The following HLCS variants were observed in gnomAD, a reference collection of about 807,000 sequenced individuals.
HLCS encodes the protein holocarboxylase synthetase.
HLCS carries 53 observed loss-of-function variants against 75.0 expected under a neutral mutation model. The observed-to-expected ratio is 0.71, with a 90% CI of 0.57 to 0.89. The LOEUF (loss-of-function observed/expected upper bound fraction) is 0.89. Among genes scored for constraint, HLCS ranks in the 40% least tolerant of loss-of-function variants. The pLI, the probability that HLCS is intolerant of heterozygous loss-of-function variation, is 0.00. For missense variants in HLCS, 966 were observed against 1,074.0 expected (o/e 0.90, Z 1.41); for synonymous variants, 431 against 428.6 (o/e 1.01, Z -0.07).
intron 7 of HLCS, among the ~76,000 whole-genome samples, chr21:36,766,907 T>C (rs1208595246): frequency 3.9e-5 from 6 of 152,096 alleles, no homozygotes; most frequent in Admixed American, 3.9e-4. Context: ...AATAAACGTC[T>C]CTAGAGCACA....
chr21:36,982,899 C>T (rs185611389), intron 1 of HLCS, among the ~76,000 whole-genome samples: 80 of 152,208 alleles, frequency 5.3e-4, no homozygotes, highest in East Asian at 3.7e-3. Context: ...CATGGTGGCA[C>T]GCACCTGTAA....
At chr21:36,852,544 G>C (rs994271711) in intron 6 of HLCS, among the ~76,000 whole-genome samples, 1 of 152,162 alleles carries the variant, frequency 6.6e-6, no homozygotes, top group Non-Finnish European at 1.5e-5. Flanking sequence ...CCACTGACAA[G>C]GGGCTCTCAC....
intron 2 of HLCS, among the ~76,000 whole-genome samples, chr21:36,954,242 G>A (rs1367125461): frequency 6.6e-6 from 1 of 150,756 alleles, no homozygotes; most frequent in Non-Finnish European, 1.5e-5. Flanking sequence ...GGAGGCAGAG[G>A]TTGCAGTGAG....
chr21:36,950,105 T>C (rs911069146), intron 2 of HLCS, among the ~76,000 whole-genome samples: 1 of 152,094 alleles, frequency 6.6e-6, no homozygotes, highest in African/African-American at 2.4e-5. Flanking sequence ...GTTCCAGGTT[T>C]GCTCCCCTCC....
At chr21:36,982,227 C>A (rs2069136381) in intron 1 of HLCS, among the ~76,000 whole-genome samples, 1 of 152,132 alleles carries the variant, frequency 6.6e-6, no homozygotes, top group Non-Finnish European at 1.5e-5. Context: ...GTGATCATAT[C>A]CTACTTTGTT....
chr21:36,922,700 A>G (rs1373628982), intron 5 of HLCS, among the ~76,000 whole-genome samples: 1 of 152,132 alleles, frequency 6.6e-6, no homozygotes, highest in Non-Finnish European at 1.5e-5. Flanking sequence ...CCAGCACAGG[A>G]GCGCTCTCCT....
chr21:36,931,847 A>T (rs1010475434), intron 4 of HLCS, among the ~76,000 whole-genome samples: 1 of 152,138 alleles, frequency 6.6e-6, no homozygotes, highest in Admixed American at 6.5e-5. Flanking sequence ...GATGTTGATG[A>T]GGGGAAAAAG....
chr21:36,888,078 G>A (rs1382931247), intron 6 of HLCS, among the ~76,000 whole-genome samples: 1 of 152,028 alleles, frequency 6.6e-6, no homozygotes. Context: ...TTCCACCTGT[G>A]TCTCCAGCTT....
rs113490233 is a variant in HLCS, at chr21:36,750,241, C to T, written c.*4005G>A. Among the ~76,000 whole-genome samples, 242 of 152,326 alleles carry T rather than the reference C, an allele frequency of 1.6e-3. 5 individuals carry two copies. In the South Asian group the frequency reaches 0.024, roughly 15 times the overall value. On this transcript the variant is annotated 3_prime_UTR_variant, in exon 11 of 11. Transcript: ENST00000674895. ...TTTACAAAAAAGAAAAAAAAATCAT[C>T]GTAGGCCCTAACATGTACCATGTTG...
chr21:36,908,784 A>G (rs2065572621), intron 5 of HLCS, among the ~76,000 whole-genome samples: 1 of 152,258 alleles, frequency 6.6e-6, no homozygotes, highest in Admixed American at 6.5e-5. Flanking sequence ...CCAGTACACT[A>G]TATGATTCCA....
At chr21:36,944,840 T>C (rs1006625992) in intron 2 of HLCS, among the ~76,000 whole-genome samples, 1 of 152,036 alleles carries the variant, frequency 6.6e-6, no homozygotes, top group African/African-American at 2.4e-5. Context: ...CACTATTCCT[T>C]GGCCTGGCAC....
intron 5 of HLCS, among the ~76,000 whole-genome samples, chr21:36,916,445 G>A (rs572621305): frequency 5.0e-4 from 76 of 151,710 alleles, no homozygotes; most frequent in African/African-American, 1.5e-3. Flanking sequence ...CTCAACTCCC[G>A]GGCTCAAGAG....
intron 5 of HLCS, among the ~76,000 whole-genome samples, chr21:36,915,359 C>T (rs1347705011): frequency 6.6e-6 from 1 of 152,236 alleles, no homozygotes; most frequent in African/African-American, 2.4e-5. Context: ...ATATATGTTA[C>T]CTGGAAAGAG....
intron 6 of HLCS, among the ~76,000 whole-genome samples, chr21:36,892,074 A>T (rs1036956654): frequency 1.3e-5 from 2 of 152,204 alleles, no homozygotes; most frequent in Non-Finnish European, 2.9e-5. Flanking sequence ...ACTCACATGG[A>T]ACCAATCAGA....
intron 6 of HLCS, among the ~76,000 whole-genome samples, chr21:36,790,240 CT>C (rs538097175): frequency 1.7e-3 from 264 of 152,212 alleles, no homozygotes; most frequent in African/African-American, 6.2e-3. Flanking sequence ...CCTGTCTCTA[CT>C]AAAAATACAA....
intron 5 of HLCS, among the ~76,000 whole-genome samples, chr21:36,921,850 C>T (rs1394143854): frequency 6.6e-6 from 1 of 152,106 alleles, no homozygotes; most frequent in East Asian, 1.9e-4. Flanking sequence ...GTGCATTTCC[C>T]TTTTACCAGA....
chr21:36,837,754 A>T (rs1309260603), intron 6 of HLCS, among the ~76,000 whole-genome samples: 1 of 152,198 alleles, frequency 6.6e-6, no homozygotes, highest in African/African-American at 2.4e-5. Flanking sequence ...GCAATCATGA[A>T]CATTGTATCA....
At chr21:36,755,849 G>A (rs1255949755) in intron 10 of HLCS, among the ~76,000 whole-genome samples, 1 of 152,226 alleles carries the variant, frequency 6.6e-6, no homozygotes, top group African/African-American at 2.4e-5. Flanking sequence ...TGATGCAGTA[G>A]CCCCTGGTTG....
intron 1 of HLCS, among the ~76,000 whole-genome samples, chr21:36,987,421 T>A (rs112704922): frequency 6.6e-6 from 1 of 151,868 alleles, no homozygotes. Context: ...GAGACCAGCA[T>A]GGCTAGCATG....
Sources: allele counts gnomAD v4.1 joint callset (sites outside exome capture counted in the v4.1 genomes callset), GRCh38; gene constraint gnomAD v4.1.1; transcripts MANE v1.5; gene names NCBI Gene and HGNC (gene_info 2026-07-23, HGNC 2026-07-21).